LPCAT1: variants seen among roughly 807,000 people sequenced by gnomAD.
The protein encoded by LPCAT1 is lysophosphatidylcholine acyltransferase 1.
A neutral mutation model predicts 60.9 loss-of-function variants in LPCAT1; 23 were observed. The ratio of observed to expected loss-of-function variants is 0.38; its 90% confidence interval spans 0.27 to 0.53. The LOEUF is 0.53. Ranked by LOEUF, LPCAT1 falls within the 20% of genes least tolerant of loss-of-function variation. The pLI, the probability that LPCAT1 is intolerant of heterozygous loss-of-function variation, is 0.82. For missense variants in LPCAT1, 622 were observed against 723.6 expected (o/e 0.86, Z 1.61); for synonymous variants, 340 against 301.1 (o/e 1.13, Z -1.34).
At chr5:1,491,716 C>T (rs773157423) in intron 3 of LPCAT1, among the ~76,000 whole-genome samples, 1 of 152,080 alleles carries the variant, frequency 6.6e-6, no homozygotes, top group Non-Finnish European at 1.5e-5. Context: ...AGCGTTCTGC[C>T]GTCTTTTGGG....
At position 1,462,854 on chromosome 5, in the gene LPCAT1, T is replaced by G. The variant is rs949019842; in HGVS notation, c.*797A>C. On this transcript the variant is annotated 3_prime_UTR_variant, in exon 14 of 14. Transcript: ENST00000283415. The stretch of plus-strand genomic sequence containing the variant: ...CAACGTTTATAAAAAAAGAGGGGAC[T>G]GGAAAAGGATTAAGAAAAGCAGAAA... 6.6e-6 allele frequency: 1 copy of G among 152,056 alleles called. No individual in the cohort carries two copies. The highest frequency in any genetic ancestry group is 1.5e-5 in the Non-Finnish European group (1 of 68,026). The allele number at this position is 152,056 out of a possible 1,614,324, so 9.4% of individuals were successfully genotyped here.
intron 6 of LPCAT1, among the ~76,000 whole-genome samples, chr5:1,482,820 G>T (rs943599057): frequency 3.3e-5 from 5 of 152,046 alleles, no homozygotes; most frequent in African/African-American, 1.2e-4. Flanking sequence ...CTGCTCTGAG[G>T]CCTCGTCCAG....
At chr5:1,469,374 G>A (rs1323055630) in intron 12 of LPCAT1, among the ~76,000 whole-genome samples, 1 of 152,186 alleles carries the variant, frequency 6.6e-6, no homozygotes, top group Admixed American at 6.5e-5. Flanking sequence ...CAGGAGGAAG[G>A]TCGGGCTCCA....
chr5:1,489,723 A>G lies in LPCAT1; in HGVS notation c.606+23T>C, dbSNP rs765312633. The stretch of plus-strand genomic sequence containing the variant: ...TCTTTCGGAATAAAACCACTGAAAC[A>G]CAATCAGGGCTACGTGCATTACCTG... On this transcript the variant is annotated intron_variant, in intron 4 of 13. Transcript: ENST00000283415. The G allele has an allele frequency of 2.0e-6, 3 of 1,512,700 alleles. No individual in the cohort carries two copies. The Admixed American group carries it at 5.0e-5, about 25-fold the overall frequency. The allele number at this position is 1,512,700 out of a possible 1,614,324, so 93.7% of individuals were successfully genotyped here.
rs1028367147 is a variant in LPCAT1 at position 1,522,203 on chromosome 5, G to C, written c.135+1507C>G. On this transcript the variant is annotated intron_variant, in intron 1 of 13. Transcript: ENST00000283415. This position sits in a 1 kb window ranked among gnomAD's most constrained non-coding sequence, Gnocchi z 6.8. ...AGGGCTTCCGAGCAGCAGAGTGCAG[G>C]AGGAAGAAAGCCTGCTGGGAGTGAC... Among the ~76,000 whole-genome samples the C allele has an allele frequency of 6.6e-6, 1 of 152,240 alleles. No homozygotes were observed. The highest frequency in any genetic ancestry group is 1.5e-5 in the Non-Finnish European group (1 of 68,040).
Position 1,477,524 on chromosome 5 carries a change from G to T in LPCAT1, c.817-38C>A. 6.8e-7 allele frequency: 1 copy of T among 1,476,750 alleles called. No individual in the cohort carries two copies. Among genetic ancestry groups the T allele is most frequent in the Non-Finnish European group, 9.4e-7 (1 of 1,061,608 alleles). 91.5% of individuals were successfully genotyped at this position (1,476,750 alleles called of 1,614,324 possible). On this transcript the variant is annotated intron_variant, in intron 8 of 13. Transcript: ENST00000283415. This position sits in a 1 kb window ranked among gnomAD's most constrained non-coding sequence, Gnocchi z 6.0. Reference sequence around the variant, plus strand: ...AGAAGCTGCGTTAGTATCACAAGACGCTGACCTCAGCAACACCACTGTAAC... The same window carrying T: ...AGAAGCTGCGTTAGTATCACAAGACTCTGACCTCAGCAACACCACTGTAAC...
intron 13 of LPCAT1, among the ~76,000 whole-genome samples, chr5:1,465,817 C>T (rs1411993361): frequency 2.0e-5 from 3 of 151,990 alleles, no homozygotes; most frequent in African/African-American, 2.4e-5. Context: ...CACGCACATG[C>T]GTGCACACAC....
chr5:1,468,518 C>T (rs1426332850), intron 12 of LPCAT1, among the ~76,000 whole-genome samples: 1 of 152,192 alleles, frequency 6.6e-6, no homozygotes, highest in Non-Finnish European at 1.5e-5. Context: ...ATGAGAACTG[C>T]AGATGCAGAC....
Position 1,463,565 on chromosome 5 carries a change from G to A in LPCAT1, c.*86C>T. The A allele has an allele frequency of 1.4e-6, 2 of 1,425,328 alleles. No individual in the cohort carries two copies. Among genetic ancestry groups the A allele is most frequent in the Non-Finnish European group, 1.9e-6 (2 of 1,037,764 alleles). 88.3% of individuals were successfully genotyped at this position (1,425,328 alleles called of 1,614,324 possible). ...ACAGTGCCTGTACAGCAGGAGTGAG[G>A]AGCGGAGCCCAGAGGTCACTCGCAA... is the stretch of plus-strand genomic sequence containing the variant. On this transcript the variant is annotated 3_prime_UTR_variant, in exon 14 of 14. Coordinates refer to ENST00000283415, the MANE Select transcript of LPCAT1 (RefSeq NM_024830.5).
chr5:1,498,560 CATAT>C (rs1331615243), intron 2 of LPCAT1, among the ~76,000 whole-genome samples: 3 of 152,268 alleles, frequency 2.0e-5, no homozygotes, highest in East Asian at 1.9e-4. Context: ...TATGTACACA[CATAT>C]ACTCTCATAC....
At chr5:1,512,681 C>CG (rs1469056075) in intron 1 of LPCAT1, among the ~76,000 whole-genome samples, 1 of 152,208 alleles carries the variant, frequency 6.6e-6, no homozygotes, top group Non-Finnish European at 1.5e-5. Flanking sequence ...TTCCTCCCAT[C>CG]GGGGGGCTCT....
At chr5:1,484,209 C>T (rs1414024864) in intron 5 of LPCAT1, among the ~76,000 whole-genome samples, 1 of 152,264 alleles carries the variant, frequency 6.6e-6, no homozygotes, top group African/African-American at 2.4e-5. Flanking sequence ...CGAGGCCCAG[C>T]TAGAGCCACA....
At position 1,483,668 on chromosome 5, in the gene LPCAT1, A is replaced by G. The variant is rs900646437; in HGVS notation, c.668-182T>C. Among the ~76,000 whole-genome samples the G allele has an allele frequency of 1.3e-5, 2 of 152,250 alleles. No homozygotes were observed. The highest frequency in any genetic ancestry group is 4.8e-5 in the African/African-American group (2 of 41,466). On this transcript the variant is annotated intron_variant, in intron 5 of 13. Coordinates refer to ENST00000283415, the MANE Select transcript of LPCAT1 (RefSeq NM_024830.5). The surrounding 1 kb of genome is among the most constrained non-coding windows in gnomAD (Gnocchi z 9.2). ...CCTGACCGTAAACACCCAGCGCCACAGCACGGATGGGCAGGAACATCGGCC... is the reference window on the plus strand; with the variant it reads ...CCTGACCGTAAACACCCAGCGCCACGGCACGGATGGGCAGGAACATCGGCC...
intron 1 of LPCAT1, among the ~76,000 whole-genome samples, chr5:1,514,430 C>T (rs1736444229): frequency 6.6e-6 from 1 of 152,224 alleles, no homozygotes; most frequent in South Asian, 2.1e-4. Context: ...TTCTTCAGTA[C>T]TGTTCCTTCG....
In LPCAT1 at chr5:1,473,763, C is replaced by T. The variant is rs577069233; in HGVS notation, c.1179+194G>A. 5.9e-5 allele frequency among the ~76,000 whole-genome samples: 9 copies of T among 152,280 alleles called. No individual in the cohort carries two copies. The East Asian group carries it at 1.5e-3, about 26-fold the overall frequency. On this transcript the variant is annotated intron_variant, in intron 11 of 13. Coordinates refer to ENST00000283415, the MANE Select transcript of LPCAT1 (RefSeq NM_024830.5). The stretch of plus-strand genomic sequence containing the variant: ...ATTCATCAGTGAAGGGTAATTTAAA[C>T]GTCAAATGTGTACGCGTATTTAAAA...
intron 4 of LPCAT1, 129 bp from the exon 5 acceptor site, chr5:1,488,580 A>G (rs2126546392): frequency 1.6e-6 from 1 of 618,934 alleles, no homozygotes; most frequent in Non-Finnish European, 2.8e-6. Context: ...GATCATATTC[A>G]GTACGTAAAT....
At chr5:1,514,350 G>A (rs1226107469) in intron 1 of LPCAT1, among the ~76,000 whole-genome samples, 1 of 152,204 alleles carries the variant, frequency 6.6e-6, no homozygotes, top group Non-Finnish European at 1.5e-5. Context: ...AGGGGCCATC[G>A]CAGGTGCACG....
intron 3 of LPCAT1, 66 bp from the exon 4 acceptor site, chr5:1,489,924 C>T (rs573631294): frequency 1.9e-5 from 22 of 1,172,442 alleles, no homozygotes; most frequent in East Asian, 1.2e-4. Context: ...GGCTGAGGAA[C>T]GAGGGGGCTG....
At chr5:1,479,087 G>A (rs1328601605) in intron 8 of LPCAT1, among the ~76,000 whole-genome samples, 2 of 152,208 alleles carry the variant, frequency 1.3e-5, no homozygotes, top group African/African-American at 4.8e-5. Context: ...CCATAATAAT[G>A]AATGGTAGGT....
Sources: allele counts gnomAD v4.1 joint callset (sites outside exome capture counted in the v4.1 genomes callset), GRCh38; gene constraint gnomAD v4.1.1; non-coding constraint Gnocchi (gnomAD v3.1); transcripts MANE v1.5; gene names NCBI Gene and HGNC (gene_info 2026-07-23, HGNC 2026-07-21).